Variants in AGO1 observed in about 807,000 individuals in gnomAD.
AGO1 encodes protein argonaute-1.
In AGO1, 11 loss-of-function variants were observed where a neutral mutation model predicts 109.2. The observed-to-expected ratio is 0.10, with a 90% CI of 0.06 to 0.17. The LOEUF is 0.17. AGO1 is among the 10% of genes least tolerant of loss of function. The pLI is 1.00. For synonymous variants in AGO1, 422 were observed against 418.6 expected (o/e 1.01, Z -0.10); for missense variants, 574 against 1,140.3 (o/e 0.50, Z 7.15).
intron 1 of AGO1, among the ~76,000 whole-genome samples, chr1:35,887,791 C>G (rs532854306): frequency 1.3e-5 from 2 of 152,186 alleles, no homozygotes; most frequent in East Asian, 3.9e-4. Context: ...TTTGTGACCT[C>G]CAGCTCTGTC....
At chr1:35,900,598 A>T (rs991138917) in intron 8 of AGO1, among the ~76,000 whole-genome samples, 1 of 152,170 alleles carries the variant, frequency 6.6e-6, no homozygotes, top group Non-Finnish European at 1.5e-5. Flanking sequence ...ATGGTAGCAC[A>T]TGACTGTAAT....
chr1:35,883,157 C>A (rs1223119255), upstream of AGO1: 10 of 1,133,248 alleles, frequency 8.8e-6, no homozygotes. The surrounding 1 kb of genome is among the most constrained non-coding windows in gnomAD (Gnocchi z 5.4). Flanking sequence ...GTCGGAGCGC[C>A]CCGCTTGACT....
intron 2 of AGO1, among the ~76,000 whole-genome samples, chr1:35,892,163 G>A (rs1383105023): frequency 1.3e-5 from 2 of 152,210 alleles, no homozygotes; most frequent in Non-Finnish European, 2.9e-5. Flanking sequence ...GGGATTACAG[G>A]TGTGAGCCAC....
chr1:35,883,201 G>T (rs1645056716), upstream of AGO1: 1 of 1,188,240 alleles, frequency 8.4e-7, no homozygotes. The surrounding 1 kb of genome is among the most constrained non-coding windows in gnomAD (Gnocchi z 5.4). Flanking sequence ...CGGCGGTCGC[G>T]CCTGCGCACT....
In AGO1 at chr1:35,922,559, T is replaced by C. The variant is rs2148728182; in HGVS notation, c.*2952T>C. On this transcript the variant is annotated 3_prime_UTR_variant, in exon 19 of 19. Coordinates refer to ENST00000373204, the MANE Select transcript of AGO1 (RefSeq NM_012199.5). Reference sequence around the variant, plus strand: ...CTCTTCTCTCTTTGCCTGGCTTCCTTTCCCTTTTCTTCTATTCACTCTGCT... The same window carrying C: ...CTCTTCTCTCTTTGCCTGGCTTCCTCTCCCTTTTCTTCTATTCACTCTGCT... 1 of 153,294 alleles carries C rather than the reference T, an allele frequency of 6.5e-6. No individual in the cohort carries two copies. The highest frequency in any genetic ancestry group is 2.4e-5 in the African/African-American group (1 of 41,612). 9.5% of individuals were successfully genotyped at this position (153,294 alleles called of 1,614,324 possible).
At position 35,915,406 on chromosome 1, in the gene AGO1, G is replaced by A. The variant is rs1645715985; in HGVS notation, c.1892G>A (p.Arg631Gln). The A allele has an allele frequency of 1.2e-6, 2 of 1,613,930 alleles. No individual in the cohort carries two copies. Among genetic ancestry groups the A allele is most frequent in the Non-Finnish European group, 1.7e-6 (2 of 1,180,020 alleles). ...SRYCATVRVQ[R>Q]PRQEIIEDLS... ...TACTGTGCTACTGTGCGGGTACAGCGACCACGGCAAGAGATCATTGAAGAC... is the reference window on the plus strand; with the variant it reads ...TACTGTGCTACTGTGCGGGTACAGCAACCACGGCAAGAGATCATTGAAGAC... The change falls in exon 15 of 19, where the codon CGA (arginine) becomes CAA (glutamine). Residue 631 changes from arginine to glutamine, a missense_variant. Arg to Gln is a conservative substitution (Grantham distance 43). Around this residue, in one of 8 missense-constraint regions of AGO1, gnomAD observed 68 missense variants for 200.2 expected, o/e 0.34. Transcript: ENST00000373204.
rs373912971 is a variant in AGO1 at position 35,919,290 on chromosome 1, T to C, written c.2465+36T>C. ...GGATCAGGTTGGCCTCCTTTTTGCT[T>C]CAGCCTATTGTGCCAGATCTTCTTA... On this transcript the variant is annotated intron_variant, in intron 18 of 18. Transcript: ENST00000373204. The surrounding 1 kb of genome is among the most constrained non-coding windows in gnomAD (Gnocchi z 6.6). 5.4e-5 allele frequency: 86 copies of C among 1,593,000 alleles called. No homozygotes were observed. Among genetic ancestry groups the C allele is most frequent in the Non-Finnish European group, 6.7e-5 (78 of 1,168,876 alleles).
At chr1:35,884,297 C>T (rs1002784839) in intron 1 of AGO1, among the ~76,000 whole-genome samples, 29 of 152,012 alleles carry the variant, frequency 1.9e-4, no homozygotes, top group African/African-American at 6.5e-4. Flanking sequence ...AGACTGGGAC[C>T]GAAGCGATGG....
chr1:35,875,380 C>T (rs1277694381), intron 1 of AGO1, among the ~76,000 whole-genome samples: 1 of 151,864 alleles, frequency 6.6e-6, no homozygotes, highest in East Asian at 1.9e-4. Context: ...TGGATGATAG[C>T]ACATTTTTTT....
rs1645240094 is a variant in AGO1, at chr1:35,892,581, G to A, written c.234G>A (p.Gln78=). The change falls in exon 3 of 19, where the codon CAG becomes CAA. Residue 78 remains glutamine (Q), a synonymous_variant. Transcript: ENST00000373204. The part of the protein sequence containing the change: ...VNREVVEYMV[Q]HFKPQIFGDR... ...GGGAAGTGGTGGAATACATGGTCCA[G>A]CATTTCAAGCCTCAGATCTTTGGTG... The A allele has an allele frequency of 1.2e-6, 2 of 1,614,122 alleles. No individual in the cohort carries two copies. Among genetic ancestry groups the A allele is most frequent in the Admixed American group, 3.3e-5 (2 of 60,004 alleles).
chr1:35,918,477 A>G (rs1417638125), intron 17 of AGO1, 54 bp downstream of exon 17: 4 of 1,322,678 alleles, frequency 3.0e-6, no homozygotes, highest in African/African-American at 2.9e-5. Context: ...TTGTTCATTC[A>G]TATTGCCTCT....
chr1:35,922,534 C>T lies in AGO1; in HGVS notation c.*2927C>T, dbSNP rs1645851605. ...GTACCACTGTTTTGCCTTCCTTTTC[C>T]TCTTCTCTCTTTGCCTGGCTTCCTT... is the stretch of plus-strand genomic sequence containing the variant. On this transcript the variant is annotated 3_prime_UTR_variant, in exon 19 of 19. Coordinates refer to ENST00000373204, the MANE Select transcript of AGO1 (RefSeq NM_012199.5). 6.5e-6 allele frequency: 1 copy of T among 152,692 alleles called. No homozygotes were observed. Among genetic ancestry groups the T allele is most frequent in the Non-Finnish European group, 1.5e-5 (1 of 68,392 alleles). The allele number at this position is 152,692 out of a possible 1,614,324, so 9.5% of individuals were successfully genotyped here. A position where few individuals can be genotyped will look rare whatever the true frequency, so the allele number is the denominator to read the frequency against.
Position 35,895,116 on chromosome 1 carries a change from G to A in AGO1, c.873-6G>A. On this transcript the variant is annotated splice_polypyrimidine_tract_variant and splice_region_variant and intron_variant, in intron 7 of 18. Coordinates refer to ENST00000373204, the MANE Select transcript of AGO1 (RefSeq NM_012199.5). ...GACACCCCCTTCCTTCCCTTCTTCT[G>A]AACAGATTCCCCTTACAGCTGGAGA... 2 of 1,607,506 alleles carry A rather than the reference G, an allele frequency of 1.2e-6. No homozygotes were observed. The highest frequency in any genetic ancestry group is 1.7e-6 in the Non-Finnish European group (2 of 1,177,168).
intron 1 of AGO1, among the ~76,000 whole-genome samples, chr1:35,875,045 T>C (rs1400028674): frequency 6.6e-6 from 1 of 152,208 alleles, no homozygotes; most frequent in Non-Finnish European, 1.5e-5. Context: ...AAGTCGAAGG[T>C]GCTTATGTAG....
rs755404281 is a variant in AGO1, at chr1:35,926,438, A to C, written c.*6831A>C. 5.3e-5 allele frequency: 8 copies of C among 152,090 alleles called. No homozygotes were observed. The highest frequency in any genetic ancestry group is 1.2e-4 in the Non-Finnish European group (8 of 67,992). The allele number at this position is 152,090 out of a possible 1,614,324, so 9.4% of individuals were successfully genotyped here. A position where few individuals can be genotyped will look rare whatever the true frequency, so the allele number is the denominator to read the frequency against. ...GACTAGCAGTTGCCTTGGGGTAGTC[A>C]GGCTGGGTATTTGTTTGGTATCTCT... On this transcript the variant is annotated 3_prime_UTR_variant, in exon 19 of 19. Coordinates refer to ENST00000373204, the MANE Select transcript of AGO1 (RefSeq NM_012199.5).
chr1:35,922,799 G>C lies in AGO1; in HGVS notation c.*3192G>C, dbSNP rs1174403877. 1 of 152,292 alleles carries C rather than the reference G, an allele frequency of 6.6e-6. No homozygotes were observed. The highest frequency in any genetic ancestry group is 2.4e-5 in the African/African-American group (1 of 41,462). The allele number at this position is 152,292 out of a possible 1,614,324, so 9.4% of individuals were successfully genotyped here. A position where few individuals can be genotyped will look rare whatever the true frequency, so the allele number is the denominator to read the frequency against. On this transcript the variant is annotated 3_prime_UTR_variant, in exon 19 of 19. Transcript: ENST00000373204. ...AAGCTTATACTAGAGAAGAGCAACTGACCTGCCCAACTTGTGTGAAGTCAG... is the reference window on the plus strand; with the variant it reads ...AAGCTTATACTAGAGAAGAGCAACTCACCTGCCCAACTTGTGTGAAGTCAG...
At position 35,893,461 on chromosome 1, in the gene AGO1, C is replaced by T; in HGVS notation, c.512+183C>T. 1.2e-6 allele frequency: 1 copy of T among 817,918 alleles called. No homozygotes were observed. Among genetic ancestry groups the T allele is most frequent in the Non-Finnish European group, 1.9e-6 (1 of 537,358 alleles). 50.7% of individuals were successfully genotyped at this position (817,918 alleles called of 1,614,324 possible). Reference sequence around the variant, plus strand: ...GGTTTAAAGCCCTGGCCCTGAACTTCTTAGATATCTTTGGGCCTCATCCCA... The same window carrying T: ...GGTTTAAAGCCCTGGCCCTGAACTTTTTAGATATCTTTGGGCCTCATCCCA... On this transcript the variant is annotated intron_variant, in intron 4 of 18. Coordinates refer to ENST00000373204, the MANE Select transcript of AGO1 (RefSeq NM_012199.5). This position sits in a 1 kb window ranked among gnomAD's most constrained non-coding sequence, Gnocchi z 5.6.
intron 1 of AGO1, among the ~76,000 whole-genome samples, chr1:35,886,930 TG>T (rs1400098302): frequency 6.6e-6 from 1 of 152,186 alleles, no homozygotes; most frequent in African/African-American, 2.4e-5. Context: ...TGTGTGTAAG[TG>T]TAAATTGCCA....
Position 35,927,298 on chromosome 1 carries a change from A to T in AGO1, c.*7691A>T, listed in dbSNP as rs1452338087. 6.6e-6 allele frequency: 1 copy of T among 152,222 alleles called. No homozygotes were observed. The highest frequency in any genetic ancestry group is 2.4e-5 in the African/African-American group (1 of 41,468). 9.4% of individuals were successfully genotyped at this position (152,222 alleles called of 1,614,324 possible). On this transcript the variant is annotated 3_prime_UTR_variant, in exon 19 of 19. Transcript: ENST00000373204. ...TCTTAAATAAGAAAACTATCATTTC[A>T]TATGACAAGAAATCCTAATTTAATG...
Sources: gnomAD v4.1 joint callset for allele counts (sites outside exome capture counted in the v4.1 genomes callset) on GRCh38, gnomAD v4.1.1 for gene constraint, gnomAD v4.1.1 regional missense constraint, Gnocchi (gnomAD v3.1) non-coding constraint, MANE v1.5 for transcripts, NCBI Gene and HGNC (gene_info 2026-07-23, HGNC 2026-07-21) for gene names.